Variants in COLGALT2 observed in about 807,000 individuals in gnomAD.
COLGALT2 encodes the protein procollagen galactosyltransferase 2.
A neutral mutation model predicts 73.4 loss-of-function variants in COLGALT2; 49 were observed. The observed-to-expected ratio is 0.67, with a 90% CI of 0.53 to 0.85. The LOEUF (loss-of-function observed/expected upper bound fraction) is 0.85. COLGALT2 is among the 40% of genes least tolerant of loss of function. COLGALT2 has a pLI of 0.00. For missense variants in COLGALT2, 722 were observed against 790.2 expected, an observed-to-expected ratio of 0.91 and a Z score of 1.03; for synonymous variants, 295 against 307.6, an observed-to-expected ratio of 0.96 and a Z score of 0.43.
intron 4 of COLGALT2, among the ~76,000 whole-genome samples, chr1:183,972,295 A>C (rs1376486021): frequency 2.0e-5 from 3 of 152,148 alleles, no homozygotes; most frequent in Non-Finnish European, 4.4e-5. Context: ...TGTTGTAGAG[A>C]TGTGGTTTCG....
In COLGALT2 at chr1:183,937,871, C is replaced by G. The variant is rs939117499; in HGVS notation, c.*890G>C. The G allele has an allele frequency of 2.0e-5, 20 of 985,346 alleles. No individual in the cohort carries two copies. Among genetic ancestry groups the G allele is most frequent in the Non-Finnish European group, 2.2e-5 (18 of 829,950 alleles). The allele number at this position is 985,346 out of a possible 1,614,324, so 61.0% of individuals were successfully genotyped here. A position where few individuals can be genotyped will look rare whatever the true frequency, so the allele number is the denominator to read the frequency against. On this transcript the variant is annotated 3_prime_UTR_variant, in exon 12 of 12. Transcript: ENST00000361927. The stretch of plus-strand genomic sequence containing the variant: ...ACAGAACTCACACCTGCGGTGGGTT[C>G]CCAGGCTAAGGGGTGGAGCGGAGAG...
intron 1 of COLGALT2, among the ~76,000 whole-genome samples, chr1:184,014,493 A>G (rs1007944864): frequency 1.3e-5 from 2 of 152,216 alleles, no homozygotes; most frequent in Non-Finnish European, 2.9e-5. Context: ...AAACTTGATT[A>G]TGGAAACCAG....
chr1:183,958,686 C>G (rs917293700), intron 6 of COLGALT2, among the ~76,000 whole-genome samples: 1 of 149,394 alleles, frequency 6.7e-6, no homozygotes, highest in Non-Finnish European at 1.5e-5. Context: ...CCATCTGCCA[C>G]AGTAGATGAA....
chr1:183,984,174 TGA>T (rs1298408118), intron 1 of COLGALT2, among the ~76,000 whole-genome samples: 1 of 152,110 alleles, frequency 6.6e-6, no homozygotes, highest in Non-Finnish European at 1.5e-5. Context: ...TTTGGGAGGG[TGA>T]GGCGGATCAC....
chr1:184,007,695 C>T (rs1286550280), intron 1 of COLGALT2, among the ~76,000 whole-genome samples: 1 of 152,170 alleles, frequency 6.6e-6, no homozygotes, highest in African/African-American at 2.4e-5. Flanking sequence ...ACCAAGACCA[C>T]AGTTCCATTT....
At chr1:184,001,540 T>A (rs976778068) in intron 1 of COLGALT2, among the ~76,000 whole-genome samples, 1 of 152,226 alleles carries the variant, frequency 6.6e-6, no homozygotes, top group African/African-American at 2.4e-5. Flanking sequence ...TTTGACTTTA[T>A]ATACTGCATG....
In COLGALT2 at chr1:183,995,240, G is replaced by T. The variant is rs148426891; in HGVS notation, c.264-16720C>A. Reference sequence around the variant, plus strand: ...AATAAGTGCTATAATCCAATAAAAGGCATTTGGCCCTGATTGAGAGAAAAA... The same window carrying T: ...AATAAGTGCTATAATCCAATAAAAGTCATTTGGCCCTGATTGAGAGAAAAA... On this transcript the variant is annotated intron_variant, in intron 1 of 11. Coordinates refer to ENST00000361927, the MANE Select transcript of COLGALT2 (RefSeq NM_015101.4). 1.3e-3 allele frequency among the ~76,000 whole-genome samples: 197 copies of T among 152,132 alleles called. 1 individual carries two copies. Among genetic ancestry groups the T allele is most frequent in the African/African-American group, 4.6e-3 (192 of 41,506 alleles).
chr1:183,934,918 T>G (rs573426169), downstream of COLGALT2, among the ~76,000 whole-genome samples: 2 of 152,192 alleles, frequency 1.3e-5, no homozygotes, highest in African/African-American at 4.8e-5. Context: ...GTGCTTATGA[T>G]GAGACAGCCC....
At chr1:183,985,099 G>A (rs1159769573) in intron 1 of COLGALT2, among the ~76,000 whole-genome samples, 2 of 152,138 alleles carry the variant, frequency 1.3e-5, no homozygotes, top group African/African-American at 4.8e-5. Flanking sequence ...TGCCTCTTAA[G>A]ACTCAGAGCC....
intron 1 of COLGALT2, 41 bp downstream of exon 1, chr1:184,037,054 C>G (rs1357932558): frequency 2.1e-6 from 3 of 1,417,124 alleles, no homozygotes; most frequent in Non-Finnish European, 2.7e-6. Context: ...CAGGCCGCCC[C>G]CGCGTCCCGC....
In COLGALT2 at chr1:183,963,892, G is replaced by A; in HGVS notation, c.952+9C>T. ...CGAGAGCCATCCCCTCTGCTCCTGG[G>A]TCACTCACTCATTGCTTCAATCTGC... On this transcript the variant is annotated intron_variant, in intron 6 of 11. Transcript: ENST00000361927. The A allele has an allele frequency of 1.3e-6, 2 of 1,596,596 alleles. No individual in the cohort carries two copies. The highest frequency in any genetic ancestry group is 2.3e-5 in the East Asian group (1 of 44,024).
intron 1 of COLGALT2, among the ~76,000 whole-genome samples, chr1:184,019,901 C>G (rs1436343376): frequency 6.6e-6 from 1 of 152,116 alleles, no homozygotes; most frequent in Non-Finnish European, 1.5e-5. Context: ...AAGGGAACAG[C>G]AAAAAATTCA....
intron 9 of COLGALT2, 118 bp downstream of exon 9, chr1:183,945,314 C>T: frequency 1.6e-6 from 2 of 1,222,752 alleles, no homozygotes; most frequent in Non-Finnish European, 2.3e-6. Flanking sequence ...GAGCAGCTCT[C>T]ATGCACATTT....
At chr1:184,012,903 C>A (rs1417229012) in intron 1 of COLGALT2, among the ~76,000 whole-genome samples, 1 of 152,242 alleles carries the variant, frequency 6.6e-6, no homozygotes, top group Non-Finnish European at 1.5e-5. Flanking sequence ...CGAGCAGCTT[C>A]CTATAAGGCA....
intron 1 of COLGALT2, among the ~76,000 whole-genome samples, chr1:184,022,461 C>T (rs990759911): frequency 6.6e-6 from 1 of 151,966 alleles, no homozygotes; most frequent in African/African-American, 2.4e-5. Flanking sequence ...GCCAAACAAA[C>T]GATGTTAGTA....
chr1:183,976,469 C>G (rs1671195157), intron 2 of COLGALT2, among the ~76,000 whole-genome samples: 1 of 151,348 alleles, frequency 6.6e-6, no homozygotes. Context: ...TACTATAATA[C>G]AAATTTGGCT....
At chr1:183,974,961 C>A (rs915572801) in intron 3 of COLGALT2, 136 bp downstream of exon 3, 5 of 623,662 alleles carry the variant, frequency 8.0e-6, no homozygotes, top group East Asian at 7.9e-5. Context: ...TTTCATTGTG[C>A]CTTTCTTAAA....
chr1:183,957,967 A>G (rs1670598126), intron 6 of COLGALT2, among the ~76,000 whole-genome samples: 1 of 152,066 alleles, frequency 6.6e-6, no homozygotes, highest in South Asian at 2.1e-4. Context: ...GAGAGCAGGT[A>G]CCTGAGACTT....
At position 183,938,032 on chromosome 1, in the gene COLGALT2, G is replaced by T. The variant is rs1670005394; in HGVS notation, c.*729C>A. On this transcript the variant is annotated 3_prime_UTR_variant, in exon 12 of 12. Coordinates refer to ENST00000361927, the MANE Select transcript of COLGALT2 (RefSeq NM_015101.4). ...GGCCATAATAAAAAAGCCAAACATT[G>T]AGTTTTTTCCCTCAAATACCTACAC... 1.0e-6 allele frequency: 1 copy of T among 985,278 alleles called. No individual in the cohort carries two copies. Among genetic ancestry groups the T allele is most frequent in the Non-Finnish European group, 1.2e-6 (1 of 829,964 alleles). The allele number at this position is 985,278 out of a possible 1,614,324, so 61.0% of individuals were successfully genotyped here. A position where few individuals can be genotyped will look rare whatever the true frequency, so the allele number is the denominator to read the frequency against.
Sources: allele counts gnomAD v4.1 joint callset (sites outside exome capture counted in the v4.1 genomes callset), GRCh38; gene constraint gnomAD v4.1.1; transcripts MANE v1.5; gene names NCBI Gene and HGNC (gene_info 2026-07-23, HGNC 2026-07-21).